The following PTCHD4 variants were observed in gnomAD, a reference collection of about 807,000 sequenced individuals.
PTCHD4 encodes patched domain containing 4.
PTCHD4 carries 33 observed loss-of-function variants against 58.1 expected under a neutral mutation model. The observed-to-expected ratio is 0.57, with a 90% CI of 0.43 to 0.76. The LOEUF is 0.76. PTCHD4 is among the 30% of genes least tolerant of loss of function. The pLI is 0.00. For synonymous variants in PTCHD4, 478 were observed against 409.6 expected (o/e 1.17, Z -2.02); for missense variants, 1,058 against 1,027.1 (o/e 1.03, Z -0.41).
intron 4 of PTCHD4, among the ~76,000 whole-genome samples, chr6:47,884,335 C>A (rs1536817): frequency 6.6e-6 from 1 of 151,948 alleles, no homozygotes; most frequent in African/African-American, 2.4e-5. Context: ...GGTTTCCATT[C>A]TGAGGCTGGA....
At chr6:48,004,035 T>C (rs1026950485) in intron 4 of PTCHD4, among the ~76,000 whole-genome samples, 1 of 152,170 alleles carries the variant, frequency 6.6e-6, no homozygotes, top group African/African-American at 2.4e-5. Context: ...TATAACATAG[T>C]TTATATTTCT....
At chr6:47,929,044 G>T (rs1228736266) in intron 4 of PTCHD4, among the ~76,000 whole-genome samples, 1 of 148,114 alleles carries the variant, frequency 6.8e-6, no homozygotes, top group East Asian at 1.9e-4. Flanking sequence ...AAATAGAGCT[G>T]CATTAGAATG....
intron 3 of PTCHD4, among the ~76,000 whole-genome samples, chr6:48,028,295 G>A (rs1409118656): frequency 6.6e-6 from 1 of 151,596 alleles, no homozygotes; most frequent in Non-Finnish European, 1.5e-5. Flanking sequence ...AGGTATGAAA[G>A]GTTTGATTTG....
At chr6:48,088,856 C>T (rs995262022) in intron 1 of PTCHD4, among the ~76,000 whole-genome samples, 10 of 151,996 alleles carry the variant, frequency 6.6e-5, no homozygotes, top group African/African-American at 2.4e-4. Context: ...CCAGCCTGGC[C>T]AACCTGGTAA....
intron 1 of PTCHD4, among the ~76,000 whole-genome samples, chr6:48,079,970 ATTTT>A (rs141629864): frequency 6.4e-4 from 49 of 76,136 alleles, no homozygotes; most frequent in African/African-American, 1.5e-3. Flanking sequence ...CCTTATGATG[ATTTT>A]TTTTTTTTTT....
intron 4 of PTCHD4, among the ~76,000 whole-genome samples, chr6:47,938,117 C>T (rs1766075311): frequency 6.6e-6 from 1 of 152,100 alleles, no homozygotes; most frequent in Non-Finnish European, 1.5e-5. Context: ...TGCACCACTG[C>T]ACTCCAGCCT....
rs138787385 is a variant in PTCHD4, at chr6:48,034,686, A to G, written c.418-25572T>C. Among the ~76,000 whole-genome samples the G allele has an allele frequency of 1.6e-3, 239 of 152,284 alleles. 1 individual carries two copies. Among genetic ancestry groups the G allele is most frequent in the African/African-American group, 5.6e-3 (233 of 41,568 alleles). The stretch of plus-strand genomic sequence containing the variant: ...TTACTCCTGAGCCATGGCATACTAC[A>G]GAATTTTCCAGATCTGCCAGCACTT... On this transcript the variant is annotated intron_variant, in intron 3 of 4. Transcript: ENST00000339488.
chr6:47,925,370 T>C lies in PTCHD4; in HGVS notation c.899-45434A>G, dbSNP rs542971615. On this transcript the variant is annotated intron_variant, in intron 4 of 4. Coordinates refer to ENST00000339488, the MANE Select transcript of PTCHD4 (RefSeq NM_001384253.1). ...TATTTGTTGATATTCCTATATCATG[T>C]TTATGAATATATGGCATTTGTTATG... is the stretch of plus-strand genomic sequence containing the variant. 2.6e-5 allele frequency among the ~76,000 whole-genome samples: 4 copies of C among 152,270 alleles called. No individual in the cohort carries two copies. The South Asian group carries it at 6.2e-4, about 24-fold the overall frequency.
chr6:48,073,090 A>G (rs1765003517), intron 1 of PTCHD4, among the ~76,000 whole-genome samples: 1 of 152,228 alleles, frequency 6.6e-6, no homozygotes, highest in Non-Finnish European at 1.5e-5. Flanking sequence ...ATCAGTGGAT[A>G]TCAATCACAT....
intron 4 of PTCHD4, among the ~76,000 whole-genome samples, chr6:47,956,755 A>G (rs1482561894): frequency 1.3e-5 from 2 of 152,168 alleles, no homozygotes; most frequent in African/African-American, 2.4e-5. Context: ...TTTAAAAGCT[A>G]TTCTATGTAC....
intron 1 of PTCHD4, among the ~76,000 whole-genome samples, chr6:48,089,177 A>G (rs370285444): frequency 9.9e-5 from 15 of 152,198 alleles, no homozygotes; most frequent in East Asian, 7.7e-4. Context: ...GAAATTTCCA[A>G]AAGACTAATA....
intron 4 of PTCHD4, among the ~76,000 whole-genome samples, chr6:47,891,900 C>T (rs961827164): frequency 1.3e-5 from 2 of 151,944 alleles, no homozygotes; most frequent in African/African-American, 4.8e-5. Context: ...GTTGTCATTG[C>T]TGATTTATAA....
intron 1 of PTCHD4, among the ~76,000 whole-genome samples, chr6:48,085,647 C>A (rs1765248839): frequency 6.6e-6 from 1 of 152,212 alleles, no homozygotes; most frequent in Admixed American, 6.5e-5. Flanking sequence ...TTAGTTGCTG[C>A]AATCACTCAT....
chr6:48,059,634 TCAAACAAA>T (rs146823585), intron 3 of PTCHD4, among the ~76,000 whole-genome samples: 2 of 151,388 alleles, frequency 1.3e-5, no homozygotes, highest in East Asian at 1.9e-4. Flanking sequence ...TGAGACTGTC[TCAAACAAA>T]CAAACAAACA....
intron 4 of PTCHD4, among the ~76,000 whole-genome samples, chr6:47,968,610 G>C (rs1767384897): frequency 6.6e-6 from 1 of 152,094 alleles, no homozygotes; most frequent in African/African-American, 2.4e-5. Context: ...TAATGAACTA[G>C]GTGCTTTCCT....
chr6:47,906,437 C>T (rs1200244240), intron 4 of PTCHD4, among the ~76,000 whole-genome samples: 5 of 152,082 alleles, frequency 3.3e-5, no homozygotes, highest in Non-Finnish European at 7.3e-5. Flanking sequence ...GCAAACTTTA[C>T]TCGCATTCAA....
chr6:47,914,118 T>C (rs1374947387), intron 4 of PTCHD4, among the ~76,000 whole-genome samples: 1 of 152,168 alleles, frequency 6.6e-6, no homozygotes, highest in African/African-American at 2.4e-5. Flanking sequence ...AATACACTTA[T>C]GTTTGGTATT....
intron 4 of PTCHD4, among the ~76,000 whole-genome samples, chr6:47,983,211 G>A (rs1021843053): frequency 6.6e-6 from 1 of 152,112 alleles, no homozygotes; most frequent in Non-Finnish European, 1.5e-5. Context: ...AAAGAAAATT[G>A]TTTGGGTACT....
chr6:47,981,528 T>C (rs924642407), intron 4 of PTCHD4, among the ~76,000 whole-genome samples: 1 of 152,170 alleles, frequency 6.6e-6, no homozygotes, highest in African/African-American at 2.4e-5. Context: ...AGATTTTTTC[T>C]ATTTTTAGGG....
Sources: allele counts gnomAD v4.1 joint callset (sites outside exome capture counted in the v4.1 genomes callset), GRCh38; gene constraint gnomAD v4.1.1; transcripts MANE v1.5; gene names NCBI Gene and HGNC (gene_info 2026-07-23, HGNC 2026-07-21).